Variants in RBM5 observed in about 807,000 individuals in gnomAD.
RBM5 encodes RNA binding motif protein 5, also known as RNA-binding protein 5.
RBM5 carries 15 observed loss-of-function variants against 124.6 expected under a neutral mutation model. The observed-to-expected ratio is 0.12, with a 90% CI of 0.08 to 0.19. The LOEUF is 0.19. Ranked by LOEUF, RBM5 falls within the 10% of genes least tolerant of loss-of-function variation. The probability of loss-of-function intolerance (pLI) is 1.00; values close to 1 mark genes in which losing one functional copy is unlikely to be tolerated. For synonymous variants in RBM5, 337 were observed against 361.2 expected, an observed-to-expected ratio of 0.93 and a Z score of 0.76; for missense variants, 580 against 1,026.5, an observed-to-expected ratio of 0.57 and a Z score of 5.94.
chr3:50,118,274 G>A, intron 24 of RBM5, 57 bp from the exon 25 acceptor site: 6 of 1,603,960 alleles, frequency 3.7e-6, no homozygotes, highest in Non-Finnish European at 5.1e-6. Context: ...TGGGCATGGT[G>A]AGAGGTGGAG....
chr3:50,090,356 A>T (rs1482777221), intron 1 of RBM5, 26 bp from the exon 2 acceptor site: 1 of 1,490,588 alleles, frequency 6.7e-7, no homozygotes, highest in African/African-American at 1.4e-5. Context: ...TGAGATTTAT[A>T]GCAATTAATC....
Position 50,118,545 on chromosome 3 carries a change from C to G in RBM5, c.*89C>G, listed in dbSNP as rs887788566. 5.3e-6 allele frequency: 8 copies of G among 1,503,048 alleles called. No homozygotes were observed. In the African/African-American group the frequency reaches 8.3e-5, roughly 16 times the overall value. 93.1% of individuals were successfully genotyped at this position (1,503,048 alleles called of 1,614,324 possible). ...TACCGCCTGTCTCTTTAAGGGCATG[C>G]CTTGTGCTGTTAATAGATCTTAGGG... On this transcript the variant is annotated 3_prime_UTR_variant, in exon 25 of 25. Coordinates refer to ENST00000347869, the MANE Select transcript of RBM5 (RefSeq NM_005778.4).
chr3:50,102,843 G>A (rs1291537309), intron 6 of RBM5: 9 of 485,500 alleles, frequency 1.9e-5, no homozygotes, highest in Middle Eastern at 5.6e-4. Context: ...GCAAGTCAGC[G>A]TTTAGTGTTT....
intron 17 of RBM5, chr3:50,112,736 G>A (rs927907402): frequency 1.8e-4 from 27 of 152,270 alleles, no homozygotes; most frequent in African/African-American, 6.3e-4. Flanking sequence ...ACGCCCACCT[G>A]TTCTGGCTGC....
intron 11 of RBM5, 134 bp downstream of exon 11, chr3:50,106,998 A>G: frequency 1.3e-6 from 1 of 782,816 alleles, no homozygotes; most frequent in South Asian, 1.4e-5. Context: ...GCCAGGAGGG[A>G]CACGTTTGTC....
intron 1 of RBM5, 23 bp from the exon 2 acceptor site, chr3:50,090,359 A>G (rs2090682325): frequency 6.6e-7 from 1 of 1,509,398 alleles, no homozygotes; most frequent in East Asian, 2.3e-5. Flanking sequence ...GATTTATAGC[A>G]ATTAATCTCT....
At chr3:50,108,902 T>A (rs755343079) in intron 14 of RBM5, among the ~76,000 whole-genome samples, 5 of 152,176 alleles carry the variant, frequency 3.3e-5, no homozygotes, top group Non-Finnish European at 5.9e-5. Context: ...AGTGCCCACG[T>A]AAGTTCAGGT....
At chr3:50,095,477 C>G (rs1217940354) in intron 4 of RBM5, among the ~76,000 whole-genome samples, 1 of 152,042 alleles carries the variant, frequency 6.6e-6, no homozygotes. Context: ...TTCAGACTGG[C>G]CAATTAGAGT....
chr3:50,103,036 C>G (rs774201776), intron 6 of RBM5, 47 bp from the exon 7 acceptor site: 1 of 1,415,400 alleles, frequency 7.1e-7, no homozygotes, highest in African/African-American at 1.4e-5. Flanking sequence ...GGAAAATGGA[C>G]ACATGTTCCT....
chr3:50,091,211 G>A (rs1038523665), intron 2 of RBM5, among the ~76,000 whole-genome samples: 1 of 152,190 alleles, frequency 6.6e-6, no homozygotes, highest in Admixed American at 6.5e-5. Flanking sequence ...GTTCTAAATA[G>A]CTTACTAAAT....
At chr3:50,089,945 T>C (rs2108981142) in intron 1 of RBM5, 1 of 158,544 alleles carries the variant, frequency 6.3e-6, no homozygotes, top group Admixed American at 6.0e-5. Flanking sequence ...TTTACATTTT[T>C]CATCAGAAGT....
At chr3:50,107,116 A>G (rs1575323730) in intron 11 of RBM5, 1 of 675,818 alleles carries the variant, frequency 1.5e-6, no homozygotes, top group South Asian at 1.5e-5. Context: ...TTGAGAACAC[A>G]TGCTTTGCAA....
intron 10 of RBM5, among the ~76,000 whole-genome samples, chr3:50,106,118 ATTTTTTTTTTTTTTTTT>A (rs61297967): frequency 6.1e-4 from 20 of 32,760 alleles, no homozygotes; most frequent in South Asian, 1.4e-3. Flanking sequence ...ACGCCCAGCT[ATTTTTTTTTTTTTTTTT>A]TTTTTTTTTT....
chr3:50,089,025 T>C lies in RBM5; in HGVS notation c.-58T>C, dbSNP rs2090651744. The C allele has an allele frequency of 6.6e-6, 1 of 152,306 alleles. No homozygotes were observed. Among genetic ancestry groups the C allele is most frequent in the Non-Finnish European group, 1.5e-5 (1 of 68,076 alleles). The allele number at this position is 152,306 out of a possible 1,614,324, so 9.4% of individuals were successfully genotyped here. ...CCGCTACTGCTGCTTCGGTCTCTCC[T>C]TGGGGTAAGTGCGGCGGCTGTCTGT... On this transcript the variant is annotated 5_prime_UTR_variant, in exon 1 of 25. Transcript: ENST00000347869.
chr3:50,090,565 C>G, intron 2 of RBM5, 114 bp downstream of exon 2: 2 of 1,203,170 alleles, frequency 1.7e-6, no homozygotes, highest in Non-Finnish European at 2.4e-6. Context: ...GCATTGCTAA[C>G]GAACACCTTT....
rs1032259296 is a variant in RBM5, at chr3:50,100,124, G to A, written c.409+73G>A. Reference sequence around the variant, plus strand: ...CACCTCAGTCCCTAAAGAACATCCTGATTCCCCCAGTCTTCAAGCACATGA... The same window carrying A: ...CACCTCAGTCCCTAAAGAACATCCTAATTCCCCCAGTCTTCAAGCACATGA... On this transcript the variant is annotated intron_variant, in intron 5 of 24. Coordinates refer to ENST00000347869, the MANE Select transcript of RBM5 (RefSeq NM_005778.4). This position sits in a 1 kb window ranked among gnomAD's most constrained non-coding sequence, Gnocchi z 5.1. 1 of 1,306,810 alleles carries A rather than the reference G, an allele frequency of 7.7e-7. No homozygotes were observed. The highest frequency in any genetic ancestry group is 1.1e-6 in the Non-Finnish European group (1 of 924,206). 81.0% of individuals were successfully genotyped at this position (1,306,810 alleles called of 1,614,324 possible).
rs763416605 is a variant in RBM5, at chr3:50,092,117, G to A, written c.92G>A (p.Arg31Gln). Reference sequence around the variant, plus strand: ...GATGACCGTGATGAGCGTGAATCCCGAAGCAGGCGGAGGGACTCAGATTAC... The same window carrying A: ...GATGACCGTGATGAGCGTGAATCCCAAAGCAGGCGGAGGGACTCAGATTAC... ...DRDDRDERES[R>Q]SRRRDSDYKR... is the part of the protein sequence containing the mutation. Residue 31 changes from arginine to glutamine, a missense_variant, in exon 3 of 25, where the codon CGA (arginine) becomes CAA (glutamine). Physicochemically the swap from Arg to Gln is conservative, Grantham distance 43 (BLOSUM62 1). Transcript: ENST00000347869. 3.7e-6 allele frequency: 6 copies of A among 1,613,878 alleles called. No homozygotes were observed. Among genetic ancestry groups the A allele is most frequent in the East Asian group, 2.2e-5 (1 of 44,894 alleles).
intron 2 of RBM5, among the ~76,000 whole-genome samples, chr3:50,091,254 A>G (rs2090696102): frequency 6.6e-6 from 1 of 152,248 alleles, no homozygotes. Context: ...TCTCAGTCCC[A>G]TATTTCCTTT....
chr3:50,091,344 T>C (rs909480268), intron 2 of RBM5, among the ~76,000 whole-genome samples: 4 of 152,242 alleles, frequency 2.6e-5, no homozygotes, highest in African/African-American at 9.6e-5. Flanking sequence ...ACAGCAGTTT[T>C]ATGAATCTGG....
Sources: gnomAD v4.1 joint callset for allele counts (sites outside exome capture counted in the v4.1 genomes callset) on GRCh38, gnomAD v4.1.1 for gene constraint, Gnocchi (gnomAD v3.1) non-coding constraint, MANE v1.5 for transcripts, NCBI Gene and HGNC (gene_info 2026-07-23, HGNC 2026-07-21) for gene names.